KXD1: variants seen among roughly 807,000 people sequenced by gnomAD.
KXD1 encodes the protein KxDL motif containing 1.
Under a neutral mutation model 12.1 loss-of-function variants are expected in KXD1, and 5 were observed. The ratio of observed to expected loss-of-function variants is 0.41; its 90% CI spans 0.22 to 0.87. The LOEUF (loss-of-function observed/expected upper bound fraction) is 0.87. Ranked by LOEUF, KXD1 falls within the 40% of genes least tolerant of loss-of-function variation. The probability of loss-of-function intolerance (pLI) is 0.31; values close to 1 mark genes in which losing one functional copy is unlikely to be tolerated. For missense variants in KXD1, 193 were observed against 244.9 expected (o/e 0.79, Z 1.41); for synonymous variants, 98 against 100.5 (o/e 0.98, Z 0.15).
At position 18,567,114 on chromosome 19, in the gene KXD1, G is replaced by T. The variant is rs756443667; in HGVS notation, c.255-18G>T. ...CTGCTCAGCAGGTTAAGCCCTGTGT[G>T]CCTTCTCTCCCCTGCAGGACGCTGA... On this transcript the variant is annotated intron_variant, in intron 3 of 4. Coordinates refer to ENST00000222307, the MANE Select transcript of KXD1 (RefSeq NM_024069.4). 2 of 1,613,716 alleles carry T rather than the reference G, an allele frequency of 1.2e-6. No individual in the cohort carries two copies. Among genetic ancestry groups the T allele is most frequent in the Admixed American group, 3.3e-5 (2 of 60,000 alleles).
intron 4 of KXD1, 166 bp downstream of exon 4, chr19:18,567,344 G>A: frequency 1.4e-6 from 1 of 692,036 alleles, no homozygotes. Flanking sequence ...GCCTGGTCCT[G>A]TCAGCAGCTG....
intron 2 of KXD1, among the ~76,000 whole-genome samples, chr19:18,563,221 T>C (rs1169143184): frequency 1.3e-5 from 2 of 152,174 alleles, no homozygotes; most frequent in Non-Finnish European, 2.9e-5. Flanking sequence ...AGCTTTGTTT[T>C]TGTGTCTCTG....
intron 3 of KXD1, among the ~76,000 whole-genome samples, chr19:18,566,383 G>T (rs1223093805): frequency 6.6e-6 from 1 of 150,868 alleles, no homozygotes; most frequent in Non-Finnish European, 1.5e-5. Flanking sequence ...CAGGAGAATG[G>T]CATGAACCCA....
intron 3 of KXD1, among the ~76,000 whole-genome samples, chr19:18,565,423 G>T (rs1440184054): frequency 6.6e-6 from 1 of 152,104 alleles, no homozygotes; most frequent in Non-Finnish European, 1.5e-5. Context: ...TGGAGATGGG[G>T]TTTCACCGTG....
At chr19:18,567,278 C>A (rs1227669491) in intron 4 of KXD1, 100 bp downstream of exon 4, 3 of 1,226,398 alleles carry the variant, frequency 2.4e-6, no homozygotes, top group Non-Finnish European at 3.6e-6. Context: ...TGAGACCAGG[C>A]TGTAATGGGC....
At chr19:18,565,081 C>T (rs1200271375) in intron 3 of KXD1, 60 bp downstream of exon 3, 15 of 1,583,486 alleles carry the variant, frequency 9.5e-6, no homozygotes, top group Non-Finnish European at 1.2e-5. Context: ...CCATCTGAGC[C>T]TCAGTTTCCT....
At chr19:18,562,234 C>T in intron 2 of KXD1, 77 bp downstream of exon 2, 5 of 1,073,660 alleles carry the variant, frequency 4.7e-6, no homozygotes, top group East Asian at 2.8e-5. Context: ...CCCGCCCCTA[C>T]CCGGGGCCCA....
chr19:18,561,384 C>G (rs1024417111), intron 1 of KXD1: 1 of 152,248 alleles, frequency 6.6e-6, no homozygotes, highest in Non-Finnish European at 1.5e-5. Flanking sequence ...GAAACCCCGT[C>G]TCTACTAAAA....
At chr19:18,564,516 G>A (rs879622580) in intron 2 of KXD1, among the ~76,000 whole-genome samples, 5 of 152,048 alleles carry the variant, frequency 3.3e-5, no homozygotes, top group Non-Finnish European at 7.4e-5. Flanking sequence ...AGCTATACTC[G>A]GGAGGCTGAG....
intron 1 of KXD1, chr19:18,559,000 T>C (rs1380126091): frequency 2.1e-5 from 2 of 94,382 alleles, no homozygotes; most frequent in East Asian, 2.9e-4. Flanking sequence ...TTTTTTTTTT[T>C]CAGTTGAGAT....
rs1330592340 is a variant in KXD1 at position 18,568,905 on chromosome 19, AG to A, written c.*278del. ...CAGCTGGAGTCGTGGGGCTGGGCAC[AG>A]GGGAATTTTTCCAGAGCTGAGCCTG... is the stretch of plus-strand genomic sequence containing the variant. On this transcript the variant is annotated 3_prime_UTR_variant, in exon 5 of 5. Transcript: ENST00000222307. 8.3e-6 allele frequency: 4 copies of A among 481,240 alleles called. No individual in the cohort carries two copies. Among genetic ancestry groups the A allele is most frequent in the Non-Finnish European group, 1.5e-5 (4 of 267,104 alleles). The allele number at this position is 481,240 out of a possible 1,614,324, so 29.8% of individuals were successfully genotyped here. A position where few individuals can be genotyped will look rare whatever the true frequency, so the allele number is the denominator to read the frequency against.
intron 1 of KXD1, 151 bp downstream of exon 1, chr19:18,558,065 G>A (rs1976992599): frequency 6.6e-6 from 1 of 152,412 alleles, no homozygotes; most frequent in Non-Finnish European, 1.5e-5. Context: ...CTGCGCACAG[G>A]CCTCAGTTTC....
intron 2 of KXD1, among the ~76,000 whole-genome samples, chr19:18,563,466 C>G (rs1975031412): frequency 6.6e-6 from 1 of 151,878 alleles, no homozygotes; most frequent in South Asian, 2.1e-4. Flanking sequence ...CTGCTTCAGC[C>G]TCCTGAGTCG....
intron 1 of KXD1, 57 bp from the exon 2 acceptor site, chr19:18,561,979 C>G (rs1199710557): frequency 8.3e-7 from 1 of 1,208,986 alleles, no homozygotes; most frequent in Non-Finnish European, 1.2e-6. Context: ...GGCCTGGCCT[C>G]TTGGTCCCAC....
chr19:18,563,917 C>T (rs116395051), intron 2 of KXD1, among the ~76,000 whole-genome samples: 5,038 of 150,982 alleles, frequency 0.033, 293 homozygotes, highest in African/African-American at 0.11. Context: ...GACATAGTTT[C>T]GCACTGTCAC....
intron 3 of KXD1, among the ~76,000 whole-genome samples, chr19:18,565,394 G>T (rs1186800758): frequency 5.9e-5 from 9 of 151,868 alleles, no homozygotes; most frequent in Admixed American, 3.3e-4. Flanking sequence ...CACGCCTGGA[G>T]AATTTTTTGT....
At chr19:18,563,799 G>A (rs774254324) in intron 2 of KXD1, among the ~76,000 whole-genome samples, 5 of 151,990 alleles carry the variant, frequency 3.3e-5, no homozygotes, top group Non-Finnish European at 4.4e-5. Flanking sequence ...ACCGTGCCCG[G>A]CCCTGATTTT....
intron 3 of KXD1, among the ~76,000 whole-genome samples, chr19:18,566,235 G>A (rs1237947893): frequency 6.6e-6 from 1 of 152,082 alleles, no homozygotes; most frequent in Non-Finnish European, 1.5e-5. Flanking sequence ...CGGATCACGA[G>A]GTCAGGAGAT....
chr19:18,565,070 C>T (rs770742979), intron 3 of KXD1, 49 bp downstream of exon 3: 48 of 1,587,032 alleles, frequency 3.0e-5, no homozygotes, highest in Non-Finnish European at 4.0e-5. Flanking sequence ...CCTCCACCTC[C>T]CCATCTGAGC....
Sources: allele counts gnomAD v4.1 joint callset (sites outside exome capture counted in the v4.1 genomes callset), GRCh38; gene constraint gnomAD v4.1.1; transcripts MANE v1.5; gene names NCBI Gene and HGNC (gene_info 2026-07-23, HGNC 2026-07-21).